The following FGF12 variants were observed in gnomAD, a reference collection of about 807,000 sequenced individuals.
FGF12 encodes the protein fibroblast growth factor 12B.
Under a neutral mutation model 23.6 loss-of-function variants are expected in FGF12, and 14 were observed. That is an observed-to-expected ratio of 0.59 (90% CI 0.39 to 0.93). FGF12 has a LOEUF of 0.93. Ranked by LOEUF, FGF12 falls within the 40% of genes least tolerant of loss-of-function variation. The pLI is 0.00. For synonymous variants in FGF12, 62 were observed against 77.3 expected (o/e 0.80, Z 1.04); for missense variants, 175 against 217.8 (o/e 0.80, Z 1.24).
intron 4 of FGF12, among the ~76,000 whole-genome samples, chr3:192,231,254 A>G (rs1427349686): frequency 1.3e-5 from 2 of 152,128 alleles, no homozygotes; most frequent in Non-Finnish European, 2.9e-5. Flanking sequence ...GGAAAATCTG[A>G]AAATGCCTAT....
At position 192,360,854 on chromosome 3, in the gene FGF12, C is replaced by A; in HGVS notation, c.14-316G>T. 2.9e-6 allele frequency: 1 copy of A among 342,490 alleles called. No homozygotes were observed. The highest frequency in any genetic ancestry group is 5.5e-6 in the Non-Finnish European group (1 of 180,964). 21.2% of individuals were successfully genotyped at this position (342,490 alleles called of 1,614,324 possible). Reference sequence around the variant, plus strand: ...CTGGTGTCTGACTGCAAGATTTCACCAACTTTATAGTCCCATTCCAGAATT... The same window carrying A: ...CTGGTGTCTGACTGCAAGATTTCACAAACTTTATAGTCCCATTCCAGAATT... On this transcript the variant is annotated intron_variant, in intron 2 of 5. Coordinates refer to ENST00000445105, the MANE Select transcript of FGF12 (RefSeq NM_004113.6). The surrounding 1 kb of genome is among the most constrained non-coding windows in gnomAD (Gnocchi z 4.3).
chr3:192,440,283 G>A (rs1260511480), intron 2 of FGF12, among the ~76,000 whole-genome samples: 1 of 152,140 alleles, frequency 6.6e-6, no homozygotes. Context: ...GAAAAACACT[G>A]CATTTTGAAA....
rs1269301751 is a variant in FGF12, at chr3:192,143,257, G to A, written c.*752C>T. 6.7e-6 allele frequency: 1 copy of A among 150,234 alleles called. No individual in the cohort carries two copies. Among genetic ancestry groups the A allele is most frequent in the Non-Finnish European group, 1.5e-5 (1 of 67,630 alleles). The allele number at this position is 150,234 out of a possible 1,614,324, so 9.3% of individuals were successfully genotyped here. Reference sequence around the variant, plus strand: ...AAAAAAGAAAGAAAGAAGAACTCCGGAAATAATATCTTTGATAAAAATGTT... The same window carrying A: ...AAAAAAGAAAGAAAGAAGAACTCCGAAAATAATATCTTTGATAAAAATGTT... On this transcript the variant is annotated 3_prime_UTR_variant, in exon 6 of 6. Transcript: ENST00000445105.
intron 2 of FGF12, among the ~76,000 whole-genome samples, chr3:192,450,190 A>C (rs1272467656): frequency 6.6e-6 from 1 of 152,136 alleles, no homozygotes; most frequent in Non-Finnish European, 1.5e-5. Flanking sequence ...AGGAATAAAA[A>C]CTACTGGAGA....
At chr3:192,440,364 G>A (rs1722168398) in intron 2 of FGF12, among the ~76,000 whole-genome samples, 1 of 152,118 alleles carries the variant, frequency 6.6e-6, no homozygotes, top group African/African-American at 2.4e-5. Context: ...GTGGACGGGA[G>A]TATTTTCCAG....
intron 4 of FGF12, among the ~76,000 whole-genome samples, chr3:192,310,398 A>T (rs1019107753): frequency 1.3e-5 from 2 of 152,206 alleles, no homozygotes; most frequent in African/African-American, 4.8e-5. Flanking sequence ...TTCTATAAAG[A>T]TTTCTATGGG....
intron 2 of FGF12, among the ~76,000 whole-genome samples, chr3:192,417,518 A>T (rs1017241836): frequency 2.6e-5 from 4 of 152,140 alleles, no homozygotes; most frequent in African/African-American, 9.7e-5. Flanking sequence ...TTTAACTTTG[A>T]CTTAAAAATA....
chr3:192,566,073 C>T (rs1056635829), intron 2 of FGF12, among the ~76,000 whole-genome samples: 1 of 152,124 alleles, frequency 6.6e-6, no homozygotes, highest in Non-Finnish European at 1.5e-5. Flanking sequence ...GCAAAAAGAA[C>T]GAAGTTCCGT....
chr3:192,416,335 C>A (rs1029955044), intron 2 of FGF12, among the ~76,000 whole-genome samples: 1 of 152,052 alleles, frequency 6.6e-6, no homozygotes, highest in African/African-American at 2.4e-5. Flanking sequence ...ATGTTAAGTA[C>A]AAAGAGTATG....
At chr3:192,614,051 G>A (rs1714655592) in intron 2 of FGF12, among the ~76,000 whole-genome samples, 1 of 151,902 alleles carries the variant, frequency 6.6e-6, no homozygotes, top group Non-Finnish European at 1.5e-5. Context: ...GCTTCCCACT[G>A]AAGACATTGT....
At chr3:192,284,214 C>G (rs570679458) in intron 4 of FGF12, among the ~76,000 whole-genome samples, 3 of 152,226 alleles carry the variant, frequency 2.0e-5, no homozygotes, top group East Asian at 3.9e-4. Context: ...AACGTTCTTT[C>G]TACACTGGAA....
At chr3:192,541,416 A>G (rs894769905) in intron 2 of FGF12, among the ~76,000 whole-genome samples, 4 of 152,162 alleles carry the variant, frequency 2.6e-5, no homozygotes, top group Non-Finnish European at 4.4e-5. Flanking sequence ...TTAAAAGTTT[A>G]TATTTTAATT....
intron 2 of FGF12, among the ~76,000 whole-genome samples, chr3:192,528,432 T>C (rs185178522): frequency 2.0e-5 from 3 of 152,220 alleles, no homozygotes; most frequent in African/African-American, 7.2e-5. Flanking sequence ...CTTTGCAGGG[T>C]AGAGCCTCTC....
At chr3:192,311,666 C>T (rs1458819174) in intron 4 of FGF12, among the ~76,000 whole-genome samples, 2 of 152,100 alleles carry the variant, frequency 1.3e-5, no homozygotes, top group Non-Finnish European at 2.9e-5. Flanking sequence ...CACATCTAGC[C>T]GTGGAACTGT....
chr3:192,521,269 T>C (rs1724804979), intron 2 of FGF12: 1 of 152,208 alleles, frequency 6.6e-6, no homozygotes, highest in South Asian at 2.1e-4. Flanking sequence ...TTTGAGAACT[T>C]TTTTCTTATC....
intron 2 of FGF12, among the ~76,000 whole-genome samples, chr3:192,388,781 T>G (rs1720162927): frequency 6.6e-6 from 1 of 151,952 alleles, no homozygotes; most frequent in African/African-American, 2.4e-5. Flanking sequence ...TATAAATAAG[T>G]ATTCAAGTTT....
At chr3:192,321,625 A>G (rs1048761404) in intron 4 of FGF12, among the ~76,000 whole-genome samples, 1 of 152,132 alleles carries the variant, frequency 6.6e-6, no homozygotes, top group Non-Finnish European at 1.5e-5. Flanking sequence ...CATCATAAGC[A>G]AGAGGGATTT....
intron 5 of FGF12, among the ~76,000 whole-genome samples, chr3:192,157,506 C>A (rs1452337792): frequency 6.7e-6 from 1 of 148,888 alleles, no homozygotes; most frequent in Non-Finnish European, 1.5e-5. Flanking sequence ...TGGATTTTTT[C>A]CAGGGCAAGC....
chr3:192,165,302 T>G (rs1401113801), intron 5 of FGF12, among the ~76,000 whole-genome samples: 2 of 125,204 alleles, frequency 1.6e-5, no homozygotes, highest in African/African-American at 6.8e-5. Flanking sequence ...TTTCATCCTA[T>G]CCCTTCATTA....
Sources: gnomAD v4.1 joint callset for allele counts (sites outside exome capture counted in the v4.1 genomes callset) on GRCh38, gnomAD v4.1.1 for gene constraint, Gnocchi (gnomAD v3.1) non-coding constraint, MANE v1.5 for transcripts, NCBI Gene and HGNC (gene_info 2026-07-23, HGNC 2026-07-21) for gene names.